TRMT11: variants seen among roughly 807,000 people sequenced by gnomAD.
TRMT11 encodes the protein tRNA (guanine(10)-N(2))-methyltransferase TRMT11.
In TRMT11, 53 loss-of-function variants were observed where a neutral mutation model predicts 62.8. The ratio of observed to expected loss-of-function variants is 0.84; its 90% CI spans 0.68 to 1.06. The LOEUF is 1.06. Ranked by LOEUF, TRMT11 falls within the 50% of genes least tolerant of loss-of-function variation. The pLI, the probability that TRMT11 is intolerant of heterozygous loss-of-function variation, is 0.00. For missense variants in TRMT11, 556 were observed against 553.4 expected (o/e 1.00, Z -0.05); for synonymous variants, 188 against 190.3 (o/e 0.99, Z 0.10).
At chr6:125,986,921 A>G (rs1789736047) in intron 1 of TRMT11, 2 of 410,446 alleles carry the variant, frequency 4.9e-6, no homozygotes, top group Non-Finnish European at 8.7e-6. Flanking sequence ...CTCTTCGTCT[A>G]GCGGAGAATA....
At chr6:126,067,618 C>T (rs1776729544) in intron 17 of TRMT11, among the ~76,000 whole-genome samples, 1 of 152,166 alleles carries the variant, frequency 6.6e-6, no homozygotes, top group South Asian at 2.1e-4. Flanking sequence ...TAGTTTTTGG[C>T]ATTCATGAAT....
chr6:126,114,469 C>T (rs577302200), intron 18 of TRMT11, among the ~76,000 whole-genome samples: 2 of 152,028 alleles, frequency 1.3e-5, no homozygotes, highest in South Asian at 4.1e-4. Flanking sequence ...GTGGCTTGTA[C>T]CAGTTGGCAT....
the TRMT11 span, among the ~76,000 whole-genome samples, chr6:126,226,861 G>A: frequency 2.0e-5 from 3 of 152,174 alleles, no homozygotes; most frequent in African/African-American, 7.2e-5. Flanking sequence ...CCCAGTAGGA[G>A]GTAATAGAAT....
intron 1 of TRMT11, chr6:125,987,063 T>C (rs1405679398): frequency 1.8e-5 from 3 of 165,752 alleles, no homozygotes; most frequent in Non-Finnish European, 3.9e-5. Context: ...TCAAGAAACG[T>C]TTTCAGAATG....
intron 21 of TRMT11, among the ~76,000 whole-genome samples, chr6:126,170,014 C>A (rs1778312556): frequency 6.6e-6 from 1 of 152,086 alleles, no homozygotes; most frequent in Admixed American, 6.5e-5. Context: ...AGGAATCCTC[C>A]CGTCTCATTA....
At chr6:126,104,109 A>G (rs1445725495) in intron 17 of TRMT11, among the ~76,000 whole-genome samples, 1 of 152,216 alleles carries the variant, frequency 6.6e-6, no homozygotes, top group African/African-American at 2.4e-5. Flanking sequence ...CTAAATAATC[A>G]CCATCAAAAT....
At chr6:126,007,744 G>A (rs960487334) in intron 7 of TRMT11, among the ~76,000 whole-genome samples, 13 of 151,826 alleles carry the variant, frequency 8.6e-5, no homozygotes, top group Non-Finnish European at 1.8e-4. Flanking sequence ...TCTTACTTTG[G>A]TCACAGCACT....
chr6:126,124,981 G>C (rs1044646757), intron 21 of TRMT11, among the ~76,000 whole-genome samples: 12 of 152,158 alleles, frequency 7.9e-5, no homozygotes, highest in Middle Eastern at 3.4e-3. Context: ...CAAGCTATAG[G>C]GGTAGGGAGG....
chr6:126,186,911 T>C (rs1778534189), intron 1 of TRMT11, among the ~76,000 whole-genome samples: 1 of 152,084 alleles, frequency 6.6e-6, no homozygotes, highest in Admixed American at 6.6e-5. Context: ...CCAACTTTTA[T>C]AAAAAGTCAA....
chr6:126,102,240 G>T (rs911335848), intron 17 of TRMT11, among the ~76,000 whole-genome samples: 3 of 152,098 alleles, frequency 2.0e-5, no homozygotes, highest in Non-Finnish European at 4.4e-5. Context: ...ATGTGTCCAT[G>T]GTAGCCAACC....
the TRMT11 span, among the ~76,000 whole-genome samples, chr6:126,250,887 C>G: frequency 6.6e-6 from 1 of 152,190 alleles, no homozygotes; most frequent in Non-Finnish European, 1.5e-5. Context: ...GATAAACCAT[C>G]TATCTTTGCC....
At chr6:126,040,524 G>A (rs191170811), downstream of TRMT11, among the ~76,000 whole-genome samples, 62 of 152,148 alleles carry the variant, frequency 4.1e-4, 1 homozygote, top group Admixed American at 3.5e-3. Flanking sequence ...ATTTTTTGGC[G>A]TTAGGATCTT....
chr6:126,070,031 A>C (rs975482769), intron 17 of TRMT11, among the ~76,000 whole-genome samples: 5 of 152,158 alleles, frequency 3.3e-5, no homozygotes, highest in Non-Finnish European at 7.3e-5. Flanking sequence ...AAGCAGAATG[A>C]CATGAATCAA....
At chr6:126,050,532 G>C (rs1776185764) in intron 16 of TRMT11, among the ~76,000 whole-genome samples, 1 of 151,874 alleles carries the variant, frequency 6.6e-6, no homozygotes, top group Non-Finnish European at 1.5e-5. Context: ...GTGAGGCCCT[G>C]TAATTACAAA....
At chr6:126,142,381 G>A (rs1777926736) in intron 21 of TRMT11, among the ~76,000 whole-genome samples, 1 of 152,106 alleles carries the variant, frequency 6.6e-6, no homozygotes. Flanking sequence ...ATTTGAGTTT[G>A]ATTTGTATTT....
intron 1 of TRMT11, among the ~76,000 whole-genome samples, chr6:126,180,734 C>T (rs1216938532): frequency 1.3e-5 from 2 of 152,168 alleles, no homozygotes; most frequent in African/African-American, 2.4e-5. Flanking sequence ...GGTGCTGATG[C>T]CTTAGTCACT....
intron 21 of TRMT11, among the ~76,000 whole-genome samples, chr6:126,147,924 C>T (rs766887196): frequency 6.6e-6 from 1 of 151,946 alleles, no homozygotes; most frequent in Non-Finnish European, 1.5e-5. Context: ...GAAGGGATAG[C>T]ATCAGGAGAA....
the TRMT11 span, among the ~76,000 whole-genome samples, chr6:126,219,299 C>T: frequency 3.3e-5 from 5 of 152,154 alleles, no homozygotes; most frequent in Admixed American, 1.3e-4. Context: ...CCTCCCTCCT[C>T]CATTGTCCTT....
intron 12 of TRMT11, among the ~76,000 whole-genome samples, chr6:126,030,821 C>A (rs1199854968): frequency 6.6e-6 from 1 of 152,160 alleles, no homozygotes; most frequent in Non-Finnish European, 1.5e-5. Context: ...AGCTCTGCAA[C>A]TTCATCCTCT....
Sources: gnomAD v4.1 joint callset for allele counts (sites outside exome capture counted in the v4.1 genomes callset) on GRCh38, gnomAD v4.1.1 for gene constraint, MANE v1.5 for transcripts, NCBI Gene and HGNC (gene_info 2026-07-23, HGNC 2026-07-21) for gene names.